Variants in RAB3IL1 observed in about 807,000 individuals in gnomAD.
RAB3IL1 encodes the protein guanine nucleotide exchange factor for Rab-3A.
Under a neutral mutation model 49.2 loss-of-function variants are expected in RAB3IL1, and 37 were observed. The observed-to-expected ratio is 0.75, with a 90% CI of 0.58 to 0.99. RAB3IL1 has a LOEUF of 0.99. Ranked by LOEUF, RAB3IL1 falls within the 50% of genes least tolerant of loss-of-function variation. RAB3IL1 has a pLI of 0.00. For missense variants in RAB3IL1, 484 were observed against 513.0 expected (o/e 0.94, Z 0.55); for synonymous variants, 193 against 213.9 (o/e 0.90, Z 0.85).
At chr11:61,925,771 C>T in the RAB3IL1 span, among the ~76,000 whole-genome samples, 2 of 152,068 alleles carry the variant, frequency 1.3e-5, no homozygotes, top group Admixed American at 6.5e-5. Context: ...AGCTCAGGCT[C>T]ATTTGGGGGA....
At chr11:61,909,501 G>A (rs938673529) in intron 1 of RAB3IL1, among the ~76,000 whole-genome samples, 2 of 152,226 alleles carry the variant, frequency 1.3e-5, no homozygotes, top group African/African-American at 4.8e-5. Flanking sequence ...GCCCGGTCCA[G>A]CTGCCCAGCC....
chr11:61,929,413 A>G, the RAB3IL1 span, among the ~76,000 whole-genome samples: 78,975 of 149,684 alleles, frequency 0.53, 21,657 homozygotes, highest in East Asian at 0.87. Context: ...GCTGAGACAC[A>G]AGAATCGATT....
At chr11:61,921,241 A>G (rs1939899169), upstream of RAB3IL1, among the ~76,000 whole-genome samples, 1 of 152,180 alleles carries the variant, frequency 6.6e-6, no homozygotes, top group Admixed American at 6.5e-5. Flanking sequence ...CCGCCCAGGA[A>G]CAACTCAGCG....
the RAB3IL1 span, among the ~76,000 whole-genome samples, chr11:61,940,334 G>A: frequency 6.6e-6 from 1 of 152,046 alleles, no homozygotes. Context: ...CCAGCTACCC[G>A]GGAGGCTGAG....
At chr11:61,926,659 T>G in the RAB3IL1 span, among the ~76,000 whole-genome samples, 16 of 152,260 alleles carry the variant, frequency 1.1e-4, no homozygotes, top group African/African-American at 3.9e-4. Flanking sequence ...GTTCAAGTGA[T>G]TCTCCTGCCT....
the RAB3IL1 span, among the ~76,000 whole-genome samples, chr11:61,932,434 G>A: frequency 2.6e-5 from 4 of 151,672 alleles, no homozygotes; most frequent in East Asian, 7.7e-4. Flanking sequence ...GTGTTATACT[G>A]TAAGATTTTT....
At chr11:61,929,884 C>CTTTTTTTTTTTT in the RAB3IL1 span, among the ~76,000 whole-genome samples, 1 of 66,380 alleles carries the variant, frequency 1.5e-5, no homozygotes, top group Non-Finnish European at 2.6e-5. Flanking sequence ...CCGCGCCCGG[C>CTTTTTTTTTTTT]TTTTTTTTTT....
rs1275695438 is a variant in RAB3IL1 at position 61,906,402 on chromosome 11, G to A, written c.657+64C>T. On this transcript the variant is annotated intron_variant, in intron 5 of 9. Coordinates refer to ENST00000394836, the MANE Select transcript of RAB3IL1 (RefSeq NM_013401.4). This position sits in a 1 kb window ranked among gnomAD's most constrained non-coding sequence, Gnocchi z 4.6. ...GGGCAGGCTGGTCCTCACTGGGCTC[G>A]GACCCTGCCTACCGCAGGCACTGCC... is the stretch of plus-strand genomic sequence containing the variant. 21 of 1,427,676 alleles carry A rather than the reference G, an allele frequency of 1.5e-5. No individual in the cohort carries two copies. Among genetic ancestry groups the A allele is most frequent in the East Asian group, 5.0e-5 (2 of 40,380 alleles). The allele number at this position is 1,427,676 out of a possible 1,614,324, so 88.4% of individuals were successfully genotyped here.
At chr11:61,917,682 G>T (rs978206407), upstream of RAB3IL1, 55 of 577,910 alleles carry the variant, frequency 9.5e-5, no homozygotes, top group African/African-American at 1.1e-3. Context: ...CGCCGCGCCG[G>T]GACAGGGAGA....
the RAB3IL1 span, among the ~76,000 whole-genome samples, chr11:61,935,898 A>G: frequency 6.6e-6 from 1 of 152,144 alleles, no homozygotes; most frequent in Non-Finnish European, 1.5e-5. Context: ...ATAAATAAAG[A>G]TAAATTATAA....
chr11:61,943,553 ATTTG>A, the RAB3IL1 span, among the ~76,000 whole-genome samples: 1 of 152,184 alleles, frequency 6.6e-6, no homozygotes, highest in Non-Finnish European at 1.5e-5. Context: ...GGGAGAAAAT[ATTTG>A]TAAATCACGT....
chr11:61,917,635 T>C (rs1421271347), upstream of RAB3IL1: 1 of 946,992 alleles, frequency 1.1e-6, no homozygotes, highest in Non-Finnish European at 1.3e-6. Context: ...GGCGCTGGGA[T>C]CCGGCGCGCG....
At chr11:61,919,926 G>T, upstream of RAB3IL1, 3 of 668,592 alleles carry the variant, frequency 4.5e-6, no homozygotes, top group Non-Finnish European at 6.4e-6. Flanking sequence ...CCACCAAATT[G>T]GACAAGACAA....
At chr11:61,899,680 C>T (rs1938805292) in intron 8 of RAB3IL1, 1 of 378,690 alleles carries the variant, frequency 2.6e-6, no homozygotes, top group East Asian at 5.0e-5. Context: ...CCGCTGACAT[C>T]CATCACGGAG....
intron 2 of RAB3IL1, 145 bp downstream of exon 2, chr11:61,907,909 C>T: frequency 7.7e-7 from 1 of 1,300,298 alleles, no homozygotes; most frequent in East Asian, 2.4e-5. Flanking sequence ...TCGGTGCGCC[C>T]AGTACAGGCC....
chr11:61,915,586 G>A (rs1041921979), intron 1 of RAB3IL1, among the ~76,000 whole-genome samples: 31 of 152,244 alleles, frequency 2.0e-4, no homozygotes, highest in Admixed American at 4.6e-4. Flanking sequence ...TCCGGCAGAC[G>A]AGGCTGCTCC....
chr11:61,912,325 C>T (rs1052522245), intron 1 of RAB3IL1, among the ~76,000 whole-genome samples: 20 of 152,110 alleles, frequency 1.3e-4, no homozygotes, highest in African/African-American at 4.1e-4. Flanking sequence ...ACTGAGGGGA[C>T]GGAGGCTCAC....
At chr11:61,902,691 C>T (rs1938982876) in intron 7 of RAB3IL1, 150 bp from the exon 8 acceptor site, 1 of 719,984 alleles carries the variant, frequency 1.4e-6, no homozygotes, top group Admixed American at 2.4e-5. Context: ...AACCCAGAGC[C>T]AGGCAGAGAA....
the RAB3IL1 span, chr11:61,945,833 C>A: frequency 4.1e-6 from 4 of 984,484 alleles, no homozygotes; most frequent in Non-Finnish European, 4.8e-6. Context: ...GATCCTCTTG[C>A]CTTGTGTCTC....
Sources: gnomAD v4.1 joint callset for allele counts (sites outside exome capture counted in the v4.1 genomes callset) on GRCh38, gnomAD v4.1.1 for gene constraint, Gnocchi (gnomAD v3.1) non-coding constraint, MANE v1.5 for transcripts, NCBI Gene and HGNC (gene_info 2026-07-23, HGNC 2026-07-21) for gene names.